BPIFA2: variants seen among roughly 807,000 people sequenced by gnomAD.
BPIFA2 encodes the protein BPI fold containing family A member 2, also known as BPI fold-containing family A member 2.
Under a neutral mutation model 25.7 loss-of-function variants are expected in BPIFA2, and 20 were observed. That is an observed-to-expected ratio of 0.78 (90% confidence interval 0.55 to 1.13). The LOEUF is 1.13. Ranked by LOEUF, BPIFA2 falls within the 50% of genes most tolerant of loss-of-function variation. The pLI is 0.00. For synonymous variants in BPIFA2, 126 were observed against 124.3 expected (o/e 1.01, Z -0.09); for missense variants, 300 against 298.1 (o/e 1.01, Z -0.05).
At chr20:33,176,029 C>T (rs1166936000) in intron 5 of BPIFA2, among the ~76,000 whole-genome samples, 1 of 151,906 alleles carries the variant, frequency 6.6e-6, no homozygotes, top group Admixed American at 6.6e-5. Context: ...GGAGAATTGT[C>T]CACTTTATTG....
At chr20:33,178,684 G>A (rs1984168125) in intron 6 of BPIFA2, among the ~76,000 whole-genome samples, 2 of 152,068 alleles carry the variant, frequency 1.3e-5, no homozygotes, top group Admixed American at 6.5e-5. Flanking sequence ...GGATTACTAG[G>A]CCCAAAGTTG....
chr20:33,166,347 C>A (rs1983723984), upstream of BPIFA2, among the ~76,000 whole-genome samples: 1 of 152,114 alleles, frequency 6.6e-6, no homozygotes, highest in African/African-American at 2.4e-5. Context: ...TGGGTTGTGT[C>A]CCAGTAAACC....
chr20:33,172,720 G>A (rs1220346900), intron 2 of BPIFA2, among the ~76,000 whole-genome samples: 5 of 152,108 alleles, frequency 3.3e-5, no homozygotes, highest in African/African-American at 1.2e-4. Flanking sequence ...GGAAACAAGA[G>A]TTCCCTGGCT....
At chr20:33,179,754 G>T in intron 7 of BPIFA2, 87 bp downstream of exon 7, 1 of 1,363,400 alleles carries the variant, frequency 7.3e-7, no homozygotes, top group Non-Finnish European at 1.0e-6. Flanking sequence ...GGGGACCCTG[G>T]AGAAGCAGAA....
upstream of BPIFA2, among the ~76,000 whole-genome samples, chr20:33,166,310 C>A (rs987514838): frequency 2.0e-5 from 3 of 152,178 alleles, no homozygotes; most frequent in Admixed American, 1.3e-4. Flanking sequence ...AACCACCATG[C>A]CTGGCCAGAT....
chr20:33,175,332 A>C, intron 4 of BPIFA2, 75 bp from the exon 5 acceptor site: 1 of 1,428,304 alleles, frequency 7.0e-7, no homozygotes, highest in East Asian at 2.3e-5. Context: ...TCATGTCCAC[A>C]CAGGTGGAGG....
intron 4 of BPIFA2, among the ~76,000 whole-genome samples, chr20:33,174,852 A>C (rs1345440478): frequency 1.3e-5 from 2 of 152,230 alleles, no homozygotes; most frequent in East Asian, 3.8e-4. Flanking sequence ...TCGAGGCTGC[A>C]GTGAGCCGTG....
At chr20:33,163,499 G>A (rs1012960363), upstream of BPIFA2, among the ~76,000 whole-genome samples, 4 of 152,178 alleles carry the variant, frequency 2.6e-5, no homozygotes, top group African/African-American at 9.6e-5. Context: ...GACCCACACA[G>A]CCCAGGGAGG....
At chr20:33,168,965 C>T (rs1440573923) in intron 1 of BPIFA2, among the ~76,000 whole-genome samples, 166 bp from the exon 2 acceptor site, 1 of 152,206 alleles carries the variant, frequency 6.6e-6, no homozygotes, top group Non-Finnish European at 1.5e-5. Context: ...CTGTGTGTCT[C>T]CGGGCAAGTT....
intron 5 of BPIFA2, among the ~76,000 whole-genome samples, chr20:33,177,370 A>G (rs1382927030): frequency 3.4e-5 from 5 of 149,034 alleles, no homozygotes; most frequent in East Asian, 2.0e-4. Context: ...AAAAAAAAAA[A>G]GTGTATTGAG....
rs374708789 is a variant in BPIFA2 at position 33,180,588 on chromosome 20, G to A, written c.*28G>A. 24 of 1,603,962 alleles carry A rather than the reference G, an allele frequency of 1.5e-5. No homozygotes were observed. Among genetic ancestry groups the A allele is most frequent in the Non-Finnish European group, 1.9e-5 (22 of 1,170,922 alleles). On this transcript the variant is annotated 3_prime_UTR_variant, in exon 8 of 9. Coordinates refer to ENST00000354932, the MANE Select transcript of BPIFA2 (RefSeq NM_080574.4). ...AGGACGAATGAGGAGGACCACTGTGGTGCATGCTGGTGAGGAGCCAGTCTC... is the reference window on the plus strand; with the variant it reads ...AGGACGAATGAGGAGGACCACTGTGATGCATGCTGGTGAGGAGCCAGTCTC...
At chr20:33,165,083 G>A (rs574431091), upstream of BPIFA2, among the ~76,000 whole-genome samples, 35 of 152,292 alleles carry the variant, frequency 2.3e-4, no homozygotes, top group African/African-American at 6.7e-4. Flanking sequence ...AAGAAAACCC[G>A]GCAAAGTCAA....
At chr20:33,171,829 G>T (rs1600598737) in intron 2 of BPIFA2, among the ~76,000 whole-genome samples, 1 of 152,200 alleles carries the variant, frequency 6.6e-6, no homozygotes, top group Admixed American at 6.5e-5. Flanking sequence ...AGACAGTGTG[G>T]TGATTCCTCA....
In BPIFA2 at chr20:33,179,692, C is replaced by A. The variant is rs149898381; in HGVS notation, c.709+25C>A. 70 of 1,584,738 alleles carry A rather than the reference C, an allele frequency of 4.4e-5. No individual in the cohort carries two copies. In the East Asian group the frequency reaches 1.3e-3, roughly 28 times the overall value. On this transcript the variant is annotated intron_variant, in intron 7 of 8. Transcript: ENST00000354932. ...GGTAAGTCAATGGGGAAGTGGGGAC[C>A]TTCTGAGGCAGGCATGGAGCTCTGT...
chr20:33,163,789 AATAT>A (rs142912228), upstream of BPIFA2, among the ~76,000 whole-genome samples: 2 of 148,700 alleles, frequency 1.3e-5, no homozygotes, highest in African/African-American at 4.9e-5. Flanking sequence ...CTTTGTTTAA[AATAT>A]ATATATATAT....
At chr20:33,179,707 TG>T in intron 7 of BPIFA2, 40 bp downstream of exon 7, 2 of 1,540,066 alleles carry the variant, frequency 1.3e-6, no homozygotes, top group Non-Finnish European at 1.8e-6. Context: ...GAGGCAGGCA[TG>T]GAGCTCTGTG....
At chr20:33,166,277 A>G (rs987939122), upstream of BPIFA2, among the ~76,000 whole-genome samples, 6 of 152,090 alleles carry the variant, frequency 3.9e-5, no homozygotes, top group Non-Finnish European at 8.8e-5. Context: ...TCGGCCTCCC[A>G]AAGTGCTGGG....
intron 7 of BPIFA2, 56 bp from the exon 8 acceptor site, chr20:33,180,464 C>A: frequency 1.3e-6 from 2 of 1,564,084 alleles, no homozygotes; most frequent in Non-Finnish European, 1.8e-6. Context: ...GGAGTCTGGT[C>A]TCTATTCAAT....
intron 8 of BPIFA2, 101 bp downstream of exon 8, chr20:33,180,698 T>A (rs1450631814): frequency 3.2e-6 from 3 of 948,334 alleles, no homozygotes; most frequent in East Asian, 5.2e-5. Context: ...TGTGCCTTCA[T>A]CTCAGTCATA....
Sources: allele counts gnomAD v4.1 joint callset (sites outside exome capture counted in the v4.1 genomes callset), GRCh38; gene constraint gnomAD v4.1.1; transcripts MANE v1.5; gene names NCBI Gene and HGNC (gene_info 2026-07-23, HGNC 2026-07-21).